Variants in PTPRD observed in about 807,000 individuals in gnomAD.
PTPRD encodes the protein receptor-type tyrosine-protein phosphatase delta.
PTPRD carries 34 observed loss-of-function variants against 214.5 expected under a neutral mutation model. The ratio of observed to expected loss-of-function variants is 0.16; its 90% CI spans 0.12 to 0.21. The LOEUF is 0.21. PTPRD is among the 10% of genes least tolerant of loss of function. PTPRD has a pLI of 1.00. For synonymous variants in PTPRD, 1,128 were observed against 845.7 expected (o/e 1.33, Z -5.79); for missense variants, 2,545 against 2,398.7 (o/e 1.06, Z -1.27).
chr9:10,061,107 C>T (rs1379628315), intron 3 of PTPRD, among the ~76,000 whole-genome samples: 1 of 151,364 alleles, frequency 6.6e-6, no homozygotes. Flanking sequence ...TGGTGTTCAG[C>T]CAAGGGTATG....
intron 2 of PTPRD, among the ~76,000 whole-genome samples, chr9:10,409,527 T>C (rs984608925): frequency 2.6e-5 from 4 of 151,800 alleles, no homozygotes; most frequent in African/African-American, 9.7e-5. Flanking sequence ...GCTAAACTCT[T>C]ACTCACTTTT....
At chr9:9,455,961 ACAAT>A (rs989825226) in intron 8 of PTPRD, among the ~76,000 whole-genome samples, 2 of 151,760 alleles carry the variant, frequency 1.3e-5, no homozygotes, top group African/African-American at 4.8e-5. Context: ...CCAACCTTGA[ACAAT>A]CAATATTTAA....
At chr9:10,056,045 G>A (rs186107728) in intron 3 of PTPRD, among the ~76,000 whole-genome samples, 76 of 146,840 alleles carry the variant, frequency 5.2e-4, no homozygotes, top group Non-Finnish European at 1.8e-4. Context: ...TTAAAGAGCC[G>A]GGCGCAGTGG....
intron 12 of PTPRD, among the ~76,000 whole-genome samples, chr9:8,724,393 C>G (rs1242929364): frequency 6.6e-6 from 1 of 152,220 alleles, no homozygotes; most frequent in African/African-American, 2.4e-5. Flanking sequence ...CTCCTTAAAC[C>G]TCTATCACCC....
At chr9:8,628,450 G>A (rs769884986) in intron 14 of PTPRD, among the ~76,000 whole-genome samples, 1 of 151,696 alleles carries the variant, frequency 6.6e-6, no homozygotes, top group Non-Finnish European at 1.5e-5. Flanking sequence ...TGCTCACTGT[G>A]TGTTTTACTA....
chr9:9,260,029 A>C (rs2099979415), intron 9 of PTPRD, among the ~76,000 whole-genome samples: 2 of 151,946 alleles, frequency 1.3e-5, no homozygotes, highest in Non-Finnish European at 2.9e-5. Flanking sequence ...TTTAACAGTC[A>C]GATAATGGAG....
At chr9:9,601,970 C>T (rs1225471310) in intron 7 of PTPRD, among the ~76,000 whole-genome samples, 1 of 152,006 alleles carries the variant, frequency 6.6e-6, no homozygotes, top group Non-Finnish European at 1.5e-5. Flanking sequence ...CCACTACATA[C>T]ATAAAAGTAG....
At chr9:10,334,267 C>T (rs528875484) in intron 3 of PTPRD, among the ~76,000 whole-genome samples, 1 of 151,668 alleles carries the variant, frequency 6.6e-6, no homozygotes, top group East Asian at 2.0e-4. Context: ...GGTGACTTTT[C>T]TTTATCACAT....
rs369673262 is a variant in PTPRD at position 9,101,317 on chromosome 9, T to C, written c.-143+81987A>G. On this transcript the variant is annotated intron_variant, in intron 10 of 45. Coordinates refer to ENST00000381196, the MANE Select transcript of PTPRD (RefSeq NM_002839.4). Reference sequence around the variant, plus strand: ...TTGGGATATTAGGTAGATAGTAGTTTCTTATTTTTAAGAAGACAGAACATT... The same window carrying C: ...TTGGGATATTAGGTAGATAGTAGTTCCTTATTTTTAAGAAGACAGAACATT... Among the ~76,000 whole-genome samples the C allele has an allele frequency of 7.2e-5, 11 of 152,300 alleles. No homozygotes were observed. In the East Asian group the frequency reaches 1.9e-3, roughly 27 times the overall value.
At chr9:10,470,229 C>T (rs1172471478) in intron 2 of PTPRD, among the ~76,000 whole-genome samples, 1 of 151,766 alleles carries the variant, frequency 6.6e-6, no homozygotes, top group African/African-American at 2.4e-5. Context: ...ATACACACCA[C>T]ATAAATATGT....
At chr9:10,108,296 A>G (rs566229923) in intron 3 of PTPRD, among the ~76,000 whole-genome samples, 2 of 152,256 alleles carry the variant, frequency 1.3e-5, no homozygotes, top group Admixed American at 1.3e-4. Flanking sequence ...ACGTAACTTC[A>G]CAAACGTATT....
At chr9:10,145,711 G>C (rs966944690) in intron 3 of PTPRD, among the ~76,000 whole-genome samples, 17 of 152,028 alleles carry the variant, frequency 1.1e-4, no homozygotes, top group African/African-American at 3.9e-4. Flanking sequence ...TCTCCAGCAT[G>C]TGTGTATGTG....
Position 10,258,451 on chromosome 9 carries a change from T to C in PTPRD, c.-545+82512A>G, listed in dbSNP as rs142962795. ...GCTATCTTGCCATAATATCTCGGAG[T>C]GCTGACTACTAATAATGTGTTTAGA... On this transcript the variant is annotated intron_variant, in intron 3 of 45. Coordinates refer to ENST00000381196, the MANE Select transcript of PTPRD (RefSeq NM_002839.4). 3.8e-3 allele frequency among the ~76,000 whole-genome samples: 571 copies of C among 152,176 alleles called. 6 individuals are homozygous for C. The highest frequency in any genetic ancestry group is 0.013 in the African/African-American group (540 of 41,524).
chr9:8,614,566 C>T (rs2095550171), intron 14 of PTPRD, among the ~76,000 whole-genome samples: 1 of 152,060 alleles, frequency 6.6e-6, no homozygotes, highest in Non-Finnish European at 1.5e-5. Context: ...TTTCATTTTC[C>T]TTTTATGTAG....
At chr9:10,609,389 C>T (rs1195597686) in intron 2 of PTPRD, among the ~76,000 whole-genome samples, 1 of 152,054 alleles carries the variant, frequency 6.6e-6, no homozygotes, top group Non-Finnish European at 1.5e-5. Context: ...TCACTCACCA[C>T]CCTCTACCAT....
intron 2 of PTPRD, among the ~76,000 whole-genome samples, chr9:10,348,855 G>T (rs147192651): frequency 6.6e-6 from 1 of 152,186 alleles, no homozygotes; most frequent in Non-Finnish European, 1.5e-5. Flanking sequence ...TGGCTACAAA[G>T]ATGAAAAGCT....
chr9:9,439,133 G>C (rs1410857001), intron 8 of PTPRD, among the ~76,000 whole-genome samples: 2 of 151,882 alleles, frequency 1.3e-5, no homozygotes, highest in African/African-American at 4.8e-5. Flanking sequence ...AATATATATG[G>C]CTTATATGAC....
chr9:9,367,570 G>A lies in PTPRD; in HGVS notation c.-203+29879C>T, dbSNP rs185579138. Among the ~76,000 whole-genome samples the A allele has an allele frequency of 2.7e-3, 416 of 151,404 alleles. 1 individual carries two copies. The highest frequency in any genetic ancestry group is 9.2e-3 in the African/African-American group (381 of 41,354). On this transcript the variant is annotated intron_variant, in intron 9 of 45. Coordinates refer to ENST00000381196, the MANE Select transcript of PTPRD (RefSeq NM_002839.4). Reference sequence around the variant, plus strand: ...ACTGTTCAACTGAAGTCTAATTTTTGTATATATTAGAATGAGTAACTATCA... The same window carrying A: ...ACTGTTCAACTGAAGTCTAATTTTTATATATATTAGAATGAGTAACTATCA...
At chr9:8,752,495 G>C (rs776033786) in intron 11 of PTPRD, among the ~76,000 whole-genome samples, 2 of 152,202 alleles carry the variant, frequency 1.3e-5, no homozygotes, top group Non-Finnish European at 2.9e-5. Flanking sequence ...TGTCTATGGA[G>C]TTAGCCATTC....
Sources: allele counts gnomAD v4.1 joint callset (sites outside exome capture counted in the v4.1 genomes callset), GRCh38; gene constraint gnomAD v4.1.1; transcripts MANE v1.5; gene names NCBI Gene and HGNC (gene_info 2026-07-23, HGNC 2026-07-21).